Variants in LAMC3 observed in about 807,000 individuals in gnomAD.
LAMC3 encodes the protein laminin subunit gamma 3.
LAMC3 carries 128 observed loss-of-function variants against 173.8 expected under a neutral mutation model. The observed-to-expected ratio is 0.74, with a 90% CI of 0.64 to 0.85. The LOEUF (loss-of-function observed/expected upper bound fraction) is 0.85. Ranked by LOEUF, LAMC3 falls within the 40% of genes least tolerant of loss-of-function variation. The pLI is 0.00. For synonymous variants in LAMC3, 897 were observed against 909.1 expected (o/e 0.99, Z 0.24); for missense variants, 2,022 against 2,156.0 (o/e 0.94, Z 1.23).
chr9:131,026,652 G>A lies in LAMC3; in HGVS notation c.678+63G>A, dbSNP rs1564365943. 1 of 1,478,244 alleles carries A rather than the reference G, an allele frequency of 6.8e-7. No homozygotes were observed. Among genetic ancestry groups the A allele is most frequent in the Non-Finnish European group, 9.0e-7 (1 of 1,116,204 alleles). 91.6% of individuals were successfully genotyped at this position (1,478,244 alleles called of 1,614,324 possible). A position where few individuals can be genotyped will look rare whatever the true frequency, so the allele number is the denominator to read the frequency against. ...TTGGGACTGGGTCACGGCAGTAGGA[G>A]GGTCTGATGTGCCAGGACACACAGG... On this transcript the variant is annotated intron_variant, in intron 2 of 27. Transcript: ENST00000361069. The surrounding 1 kb of genome is among the most constrained non-coding windows in gnomAD (Gnocchi z 4.8).
Position 131,094,469 on chromosome 9 carries a change from AG to A in LAMC3, c.*2683del, listed in dbSNP as rs1830471028. On this transcript the variant is annotated 3_prime_UTR_variant, in exon 28 of 28. Coordinates refer to ENST00000361069, the MANE Select transcript of LAMC3 (RefSeq NM_006059.4). The stretch of plus-strand genomic sequence containing the variant: ...ATTGACATGATTAAACTGAGCTAGG[AG>A]TGACTTGGTCCCTAGATGTCTGGGC... The A allele has an allele frequency of 6.6e-6, 1 of 152,310 alleles. No homozygotes were observed. The highest frequency in any genetic ancestry group is 1.5e-5 in the Non-Finnish European group (1 of 68,168). 9.4% of individuals were successfully genotyped at this position (152,310 alleles called of 1,614,324 possible).
Position 131,091,941 on chromosome 9 carries a change from G to C in LAMC3, c.*154G>C, listed in dbSNP as rs1027249796. The C allele has an allele frequency of 6.7e-6, 6 of 894,104 alleles. No individual in the cohort carries two copies. The highest frequency in any genetic ancestry group is 8.5e-6 in the Non-Finnish European group (5 of 587,614). The allele number at this position is 894,104 out of a possible 1,614,324, so 55.4% of individuals were successfully genotyped here. The stretch of plus-strand genomic sequence containing the variant: ...TGGATAGTCACTCCCTGCCGATTCT[G>C]TCTGTGGCTTCTTCCCTGCCAGCAG... On this transcript the variant is annotated 3_prime_UTR_variant, in exon 28 of 28. Coordinates refer to ENST00000361069, the MANE Select transcript of LAMC3 (RefSeq NM_006059.4).
At chr9:131,034,319 G>A (rs1182280193) in intron 3 of LAMC3, among the ~76,000 whole-genome samples, 1 of 152,240 alleles carries the variant, frequency 6.6e-6, no homozygotes, top group African/African-American at 2.4e-5. Flanking sequence ...CCCCAGGATT[G>A]CCTGGCGCCT....
intron 21 of LAMC3, 127 bp from the exon 22 acceptor site, chr9:131,077,060 G>T: frequency 7.8e-7 from 1 of 1,279,420 alleles, no homozygotes; most frequent in South Asian, 1.2e-5. Context: ...TACCTACCCC[G>T]CAGAGGGCTA....
chr9:131,063,601 G>C (rs1829873032), intron 13 of LAMC3, among the ~76,000 whole-genome samples: 1 of 152,206 alleles, frequency 6.6e-6, no homozygotes, highest in African/African-American at 2.4e-5. Flanking sequence ...CCGGGGTCAA[G>C]TCCTGATGCT....
intron 27 of LAMC3, among the ~76,000 whole-genome samples, chr9:131,089,531 C>T (rs971048008): frequency 7.3e-6 from 1 of 136,756 alleles, no homozygotes; most frequent in East Asian, 2.1e-4. Flanking sequence ...GCACGCACCA[C>T]CACACCCAGC....
At chr9:131,053,099 C>A in intron 11 of LAMC3, 134 bp downstream of exon 11, 1 of 754,780 alleles carries the variant, frequency 1.3e-6, no homozygotes, top group Non-Finnish European at 2.3e-6. Context: ...AAGAAGGAAC[C>A]TTAGTCAAAA....
chr9:131,088,046 G>C (rs1564158162), intron 27 of LAMC3, among the ~76,000 whole-genome samples: 1 of 152,170 alleles, frequency 6.6e-6, no homozygotes, highest in Non-Finnish European at 1.5e-5. Flanking sequence ...GTAACTGTTT[G>C]TGCCTCCAGG....
chr9:131,084,768 G>A (rs1830301254), intron 24 of LAMC3, among the ~76,000 whole-genome samples: 1 of 151,822 alleles, frequency 6.6e-6, no homozygotes, highest in Non-Finnish European at 1.5e-5. Context: ...GTATGGTGGT[G>A]TGTGCTTATA....
Position 131,026,239 on chromosome 9 carries a change from A to G in LAMC3, c.374-46A>G. 6.2e-7 allele frequency: 1 copy of G among 1,611,708 alleles called. No homozygotes were observed. Among genetic ancestry groups the G allele is most frequent in the Non-Finnish European group, 8.5e-7 (1 of 1,179,238 alleles). ...TGTCCTTCCTAGACCAGGATTCCAT[A>G]CCTCCTTCCCCTTCCATAAAATGGG... On this transcript the variant is annotated intron_variant, in intron 1 of 27. Coordinates refer to ENST00000361069, the MANE Select transcript of LAMC3 (RefSeq NM_006059.4). The surrounding 1 kb of genome is among the most constrained non-coding windows in gnomAD (Gnocchi z 4.8).
At chr9:131,045,488 C>T (rs751076387) in intron 7 of LAMC3, 36 bp from the exon 8 acceptor site, 11 of 1,611,994 alleles carry the variant, frequency 6.8e-6, no homozygotes, top group Non-Finnish European at 9.3e-6. Flanking sequence ...GGCTGATTCA[C>T]GTGGCCCTCG....
intron 21 of LAMC3, among the ~76,000 whole-genome samples, chr9:131,076,803 G>C (rs1830136397): frequency 1.3e-5 from 2 of 152,188 alleles, no homozygotes; most frequent in Admixed American, 6.5e-5. Context: ...TCTGGAAAGG[G>C]CATGGCCGAG....
rs775707237 is a variant in LAMC3 at position 131,071,645 on chromosome 9, C to T, written c.3211+20C>T. On this transcript the variant is annotated intron_variant, in intron 18 of 27. Transcript: ENST00000361069. ...TTCCAGGTACAGCAGGAGCGCAGAG[C>T]GGGAGGGTGGGAGGCAAGGGGAGGC... 23 of 1,536,842 alleles carry T rather than the reference C, an allele frequency of 1.5e-5. No homozygotes were observed. Among genetic ancestry groups the T allele is most frequent in the South Asian group, 2.5e-5 (2 of 79,640 alleles).
Position 131,069,159 on chromosome 9 carries a change from A to G in LAMC3, c.2890+109A>G, listed in dbSNP as rs1588162445. Reference sequence around the variant, plus strand: ...GCGCAGCAGGAAAGGATCGTCAGACATGGGACAGGGTCCCGAGAGCAGCCG... The same window carrying G: ...GCGCAGCAGGAAAGGATCGTCAGACGTGGGACAGGGTCCCGAGAGCAGCCG... On this transcript the variant is annotated intron_variant, in intron 16 of 27. Coordinates refer to ENST00000361069, the MANE Select transcript of LAMC3 (RefSeq NM_006059.4). 4 of 1,312,776 alleles carry G rather than the reference A, an allele frequency of 3.0e-6. No individual in the cohort carries two copies. In the African/African-American group the frequency reaches 4.4e-5, roughly 14 times the overall value. 81.3% of individuals were successfully genotyped at this position (1,312,776 alleles called of 1,614,324 possible).
intron 20 of LAMC3, among the ~76,000 whole-genome samples, chr9:131,073,954 T>C (rs1830080556): frequency 6.9e-6 from 1 of 144,324 alleles, no homozygotes; most frequent in Non-Finnish European, 1.5e-5. Context: ...CTTTTTTTTT[T>C]TTTTTTTTTT....
Position 131,069,696 on chromosome 9 carries a change from C to T in LAMC3, c.2915C>T (p.Ala972Val), listed in dbSNP as rs1439069237. 1 of 1,604,088 alleles carries T rather than the reference C, an allele frequency of 6.2e-7. No homozygotes were observed. The highest frequency in any genetic ancestry group is 8.5e-7 in the Non-Finnish European group (1 of 1,176,646). The change falls in exon 17 of 28, where the codon GCT (alanine) becomes GTT (valine). Residue 972 changes from alanine to valine, a missense_variant. Ala to Val is a moderately conservative substitution (Grantham distance 64, BLOSUM62 0). Transcript: ENST00000361069. ...GCCTGCAGGTGCTCCCCACTGGGCGCTGCCTCGGCCCAGTGCCACGAGAAC... is the reference window on the plus strand; with the variant it reads ...GCCTGCAGGTGCTCCCCACTGGGCGTTGCCTCGGCCCAGTGCCACGAGAAC... ...CRACRCSPLG[A>V]ASAQCHENGT... is the part of the protein sequence containing the mutation.
chr9:131,010,396 G>A (rs1490077787), intron 1 of LAMC3, among the ~76,000 whole-genome samples: 1 of 152,224 alleles, frequency 6.6e-6, no homozygotes, highest in African/African-American at 2.4e-5. Context: ...CAGAAGGATA[G>A]ACTGAGGGGT....
intron 13 of LAMC3, among the ~76,000 whole-genome samples, chr9:131,062,343 A>G (rs147408928): frequency 0.043 from 6,542 of 152,162 alleles, 467 homozygotes; most frequent in African/African-American, 0.15. Context: ...CCGGGGCAAC[A>G]AGAGTGAAAC....
chr9:131,054,919 G>A (rs1834373456), intron 11 of LAMC3, among the ~76,000 whole-genome samples: 1 of 152,190 alleles, frequency 6.6e-6, no homozygotes, highest in South Asian at 2.1e-4. Flanking sequence ...TCAGCTAACA[G>A]TGCGTCGTGG....
Sources: allele counts gnomAD v4.1 joint callset (sites outside exome capture counted in the v4.1 genomes callset), GRCh38; gene constraint gnomAD v4.1.1; non-coding constraint Gnocchi (gnomAD v3.1); transcripts MANE v1.5; gene names NCBI Gene and HGNC (gene_info 2026-07-23, HGNC 2026-07-21).